ADAMTS15: variants seen among roughly 807,000 people sequenced by gnomAD.
The protein encoded by ADAMTS15 is A disintegrin and metalloproteinase with thrombospondin motifs 15.
A neutral mutation model predicts 79.1 loss-of-function variants in ADAMTS15; 35 were observed. The ratio of observed to expected loss-of-function variants is 0.44; its 90% confidence interval spans 0.34 to 0.59. The LOEUF is 0.59. Ranked by LOEUF, ADAMTS15 falls within the 20% of genes least tolerant of loss-of-function variation. The pLI, the probability that ADAMTS15 is intolerant of heterozygous loss-of-function variation, is 0.02. For missense variants in ADAMTS15, 1,324 were observed against 1,318.7 expected, an observed-to-expected ratio of 1.00 and a Z score of -0.06; for synonymous variants, 616 against 567.3, an observed-to-expected ratio of 1.09 and a Z score of -1.22.
chr11:130,473,715 G>A lies in ADAMTS15; in HGVS notation c.2747G>A (p.Arg916His), dbSNP rs775386278. ...AGCTGCGGCCGGGGATTTCAGAGGC[G>A]CTCACTCAAGTGTGTGGGCCACGGA... ...SKSCGRGFQRRSLKCVGHGGR... is the reference protein window; with the variant it reads ...SKSCGRGFQRHSLKCVGHGGR... Residue 916 changes from arginine (R) to histidine (H), a missense_variant, in exon 8 of 8, where the codon CGC becomes CAC. Arg to His is a conservative substitution (Grantham distance 29, BLOSUM62 0). Coordinates refer to ENST00000299164, the MANE Select transcript of ADAMTS15 (RefSeq NM_139055.4). 3.7e-6 allele frequency: 6 copies of A among 1,600,286 alleles called. No homozygotes were observed. Among genetic ancestry groups the A allele is most frequent in the Middle Eastern group, 1.6e-4 (1 of 6,080 alleles).
intron 7 of ADAMTS15, 82 bp downstream of exon 7, chr11:130,471,465 G>T: frequency 1.3e-6 from 2 of 1,501,550 alleles, no homozygotes; most frequent in Non-Finnish European, 1.8e-6. Context: ...GCTTGGGTTA[G>T]ACTGGGGTAA....
intron 4 of ADAMTS15, among the ~76,000 whole-genome samples, chr11:130,467,432 G>A (rs1036404724): frequency 2.6e-5 from 4 of 152,188 alleles, no homozygotes; most frequent in African/African-American, 4.8e-5. Flanking sequence ...GTGGAAGGAC[G>A]GCGGTGGTGG....
intron 1 of ADAMTS15, chr11:130,450,170 G>C: frequency 1.0e-6 from 1 of 985,496 alleles, no homozygotes; most frequent in Non-Finnish European, 1.2e-6. Flanking sequence ...GTGTTGGCCT[G>C]GCGCGGCCAA....
chr11:130,458,698 C>T (rs1180860303), intron 1 of ADAMTS15, among the ~76,000 whole-genome samples: 1 of 152,168 alleles, frequency 6.6e-6, no homozygotes, highest in East Asian at 1.9e-4. Flanking sequence ...AGTGATAGGG[C>T]CAGGACCGGA....
Position 130,462,555 on chromosome 11 carries a change from C to T in ADAMTS15, c.1317C>T (p.Gly439=), listed in dbSNP as rs372542959. ...KPISLPEDLP[G]ASYTLSQQCE... ...TCTCCCTGCCCGAGGATCTGCCGGG[C>T]GCCAGCTACACCCTGAGCCAGCAGT... Residue 439 remains glycine (G), a synonymous_variant, in exon 4 of 8, where the codon GGC becomes GGT. Coordinates refer to ENST00000299164, the MANE Select transcript of ADAMTS15 (RefSeq NM_139055.4). The surrounding 1 kb of genome is among the most constrained non-coding windows in gnomAD (Gnocchi z 4.3). 291 of 1,611,644 alleles carry T rather than the reference C, an allele frequency of 1.8e-4. No individual in the cohort carries two copies. The East Asian group carries it at 2.0e-3, about 11-fold the overall frequency.
In ADAMTS15 at chr11:130,462,091, C is replaced by T. The variant is rs757714324; in HGVS notation, c.1095C>T (p.His365=). Residue 365 remains histidine, a synonymous_variant, in exon 3 of 8, where the codon CAC becomes CAT. Transcript: ENST00000299164. The surrounding 1 kb of genome is among the most constrained non-coding windows in gnomAD (Gnocchi z 4.3). ...SAFTTAHELG[H]VFNMPHDNVK... Reference sequence around the variant, plus strand: ...TCCTCTTGCCTTACCCCACAGGCCACGTGTTCAACATGCCCCATGACAATG... The same window carrying T: ...TCCTCTTGCCTTACCCCACAGGCCATGTGTTCAACATGCCCCATGACAATG... The T allele has an allele frequency of 5.0e-6, 8 of 1,612,700 alleles. No homozygotes were observed. The highest frequency in any genetic ancestry group is 1.7e-5 in the Admixed American group (1 of 59,926).
At position 130,473,950 on chromosome 11, in the gene ADAMTS15, G is replaced by A; in HGVS notation, c.*129G>A. 7.6e-7 allele frequency: 1 copy of A among 1,307,556 alleles called. No homozygotes were observed. Among genetic ancestry groups the A allele is most frequent in the Non-Finnish European group, 1.0e-6 (1 of 979,148 alleles). The allele number at this position is 1,307,556 out of a possible 1,614,324, so 81.0% of individuals were successfully genotyped here. On this transcript the variant is annotated 3_prime_UTR_variant, in exon 8 of 8. Coordinates refer to ENST00000299164, the MANE Select transcript of ADAMTS15 (RefSeq NM_139055.4). Reference sequence around the variant, plus strand: ...CGATGTCACCCACATCCGGGGACAAGGACCATGGGCTGGGGCGAGAGGTTC... The same window carrying A: ...CGATGTCACCCACATCCGGGGACAAAGACCATGGGCTGGGGCGAGAGGTTC...
intron 4 of ADAMTS15, among the ~76,000 whole-genome samples, chr11:130,468,863 G>A (rs1938361011): frequency 6.7e-6 from 1 of 150,370 alleles, no homozygotes. Flanking sequence ...CTTGAACCTG[G>A]GAGGTGGAGG....
chr11:130,473,301 C>T lies in ADAMTS15; in HGVS notation c.2333C>T (p.Pro778Leu), dbSNP rs1938500003. 4.3e-6 allele frequency: 7 copies of T among 1,613,146 alleles called. No homozygotes were observed. The highest frequency in any genetic ancestry group is 1.6e-4 in the Middle Eastern group (1 of 6,062). ...SLQASRPILE[P>L]LTVEVLSVGK... ...CAGGCTTCCCGGCCCATCCTGGAGCCGCTGACCGTGGAGGTCCTCTCCGTG... is the reference window on the plus strand; with the variant it reads ...CAGGCTTCCCGGCCCATCCTGGAGCTGCTGACCGTGGAGGTCCTCTCCGTG... The change falls in exon 8 of 8, where the codon CCG (proline) becomes CTG (leucine). Residue 778 changes from proline to leucine, a missense_variant. By Grantham distance (98) the Pro-to-Leu change is moderately conservative. Transcript: ENST00000299164.
Position 130,474,512 on chromosome 11 carries a change from A to T in ADAMTS15, c.*691A>T, listed in dbSNP as rs561506526. The stretch of plus-strand genomic sequence containing the variant: ...GTGTAGGACTAGTGGTAGGGCTGCC[A>T]CGGAAGTGTCCTCTGAGGCTCTGCA... On this transcript the variant is annotated 3_prime_UTR_variant, in exon 8 of 8. Transcript: ENST00000299164. The T allele has an allele frequency of 2.6e-5, 4 of 152,374 alleles. No homozygotes were observed. Among genetic ancestry groups the T allele is most frequent in the African/African-American group, 9.6e-5 (4 of 41,542 alleles). The allele number at this position is 152,374 out of a possible 1,614,324, so 9.4% of individuals were successfully genotyped here.
chr11:130,470,214 A>ATGTGTG (rs1565397977), intron 5 of ADAMTS15, among the ~76,000 whole-genome samples: 5 of 119,022 alleles, frequency 4.2e-5, no homozygotes, highest in Non-Finnish European at 6.7e-5. Context: ...ATATATGTAT[A>ATGTGTG]TATATATATA....
At chr11:130,456,287 T>A (rs1313367760) in intron 1 of ADAMTS15, among the ~76,000 whole-genome samples, 2 of 152,144 alleles carry the variant, frequency 1.3e-5, no homozygotes, top group African/African-American at 2.4e-5. Flanking sequence ...ATTTTTTTTT[T>A]ATAGAAGATT....
chr11:130,468,982 C>T (rs1294634571), intron 4 of ADAMTS15, among the ~76,000 whole-genome samples: 1 of 143,942 alleles, frequency 6.9e-6, no homozygotes, highest in Non-Finnish European at 1.5e-5. Context: ...ACACATCTCA[C>T]ATCTGTCTCA....
chr11:130,454,045 T>G (rs555307689), intron 1 of ADAMTS15, among the ~76,000 whole-genome samples: 1 of 152,348 alleles, frequency 6.6e-6, no homozygotes, highest in East Asian at 1.9e-4. Context: ...CTCAAACTCC[T>G]GGGCTCAAGC....
At chr11:130,464,169 A>G (rs937524695) in intron 4 of ADAMTS15, among the ~76,000 whole-genome samples, 1 of 152,186 alleles carries the variant, frequency 6.6e-6, no homozygotes, top group African/African-American at 2.4e-5. Flanking sequence ...AGGACAGGCA[A>G]TATGTGGCCA....
intron 4 of ADAMTS15, among the ~76,000 whole-genome samples, chr11:130,465,138 TACTA>T (rs1463070585): frequency 2.0e-5 from 3 of 152,086 alleles, no homozygotes; most frequent in African/African-American, 7.2e-5. Flanking sequence ...CTCCTCCCAT[TACTA>T]ACTCTTTCTT....
At position 130,470,168 on chromosome 11, in the gene ADAMTS15, A is replaced by G. The variant is rs1224794484; in HGVS notation, c.1720+729A>G. Among the ~76,000 whole-genome samples the G allele has an allele frequency of 2.7e-3, 159 of 58,620 alleles. 5 individuals carry two copies. Among genetic ancestry groups the G allele is most frequent in the African/African-American group, 5.4e-3 (53 of 9,906 alleles). The allele number at this position is 58,620 out of a possible 152,430, so 38.5% of individuals were successfully genotyped here. ...TATATATATGTGTATATATATATAT[A>G]TATATATATATATGTGTGTATATAT... On this transcript the variant is annotated intron_variant, in intron 5 of 7. Transcript: ENST00000299164.
At position 130,473,679 on chromosome 11, in the gene ADAMTS15, C is replaced by G. The variant is rs768837361; in HGVS notation, c.2711C>G (p.Pro904Arg). Residue 904 changes from proline (P) to arginine (R), a missense_variant, in exon 8 of 8, where the codon CCC becomes CGC. Transcript: ENST00000299164. The part of the protein sequence containing the change: ...CPTWELSAWS[P>R]CSKSCGRGFQ... ...ACCTGGGAGCTCAGCGCCTGGTCAC[C>G]CTGCTCCAAGAGCTGCGGCCGGGGA... The G allele has an allele frequency of 2.5e-6, 4 of 1,604,304 alleles. No individual in the cohort carries two copies. The African/African-American group carries it at 5.3e-5, about 21-fold the overall frequency.
At chr11:130,471,575 A>C (rs1441231165) in intron 7 of ADAMTS15, among the ~76,000 whole-genome samples, 192 bp downstream of exon 7, 1 of 151,984 alleles carries the variant, frequency 6.6e-6, no homozygotes, top group Non-Finnish European at 1.5e-5. Flanking sequence ...TCATTCATTC[A>C]TTCATTCTTT....
Sources: gnomAD v4.1 joint callset for allele counts (sites outside exome capture counted in the v4.1 genomes callset) on GRCh38, gnomAD v4.1.1 for gene constraint, Gnocchi (gnomAD v3.1) non-coding constraint, MANE v1.5 for transcripts, NCBI Gene and HGNC (gene_info 2026-07-23, HGNC 2026-07-21) for gene names.